Variants in ENTPD6 observed in about 807,000 individuals in gnomAD.
ENTPD6 encodes the protein CD39 antigen-like 2.
Under a neutral mutation model 61.5 loss-of-function variants are expected in ENTPD6, and 46 were observed. That is an observed-to-expected ratio of 0.75 (90% CI 0.59 to 0.96). The LOEUF is 0.96. Among genes scored for constraint, ENTPD6 ranks in the 40% least tolerant of loss-of-function variants. The pLI is 0.00. For missense variants in ENTPD6, 612 were observed against 629.0 expected, an observed-to-expected ratio of 0.97 and a Z score of 0.29; for synonymous variants, 252 against 255.5, an observed-to-expected ratio of 0.99 and a Z score of 0.13.
At chr20:25,203,830 A>G (rs6138537) in intron 1 of ENTPD6, among the ~76,000 whole-genome samples, 63,423 of 152,004 alleles carry the variant, frequency 0.42, 15,360 homozygotes, top group East Asian at 0.92. Context: ...TTTGCTGAAC[A>G]TTGGGCATTT....
At chr20:25,204,614 T>C (rs2091314454) in intron 1 of ENTPD6, among the ~76,000 whole-genome samples, 1 of 152,196 alleles carries the variant, frequency 6.6e-6, no homozygotes, top group Non-Finnish European at 1.5e-5. Flanking sequence ...TGCCTAGCAG[T>C]GCCCATAACC....
intron 2 of ENTPD6, 137 bp from the exon 3 acceptor site, chr20:25,206,939 A>G (rs11699392): frequency 0.32 from 246,856 of 768,086 alleles, 43,125 homozygotes; most frequent in East Asian, 0.62. Context: ...TGAGGCTCAA[A>G]TGAAGCTTCT....
chr20:25,207,934 G>A (rs768662016), intron 3 of ENTPD6, among the ~76,000 whole-genome samples: 3 of 152,188 alleles, frequency 2.0e-5, no homozygotes, highest in African/African-American at 7.2e-5. Flanking sequence ...GGGGTGGGCG[G>A]CTTCTCTTGA....
At chr20:25,210,145 G>A (rs538511051) in intron 4 of ENTPD6, among the ~76,000 whole-genome samples, 3 of 152,348 alleles carry the variant, frequency 2.0e-5, no homozygotes, top group Admixed American at 6.5e-5. Context: ...TGACTCCACC[G>A]TGCCAGCGCT....
At chr20:25,204,231 A>G (rs940285938) in intron 1 of ENTPD6, among the ~76,000 whole-genome samples, 8 of 152,208 alleles carry the variant, frequency 5.3e-5, no homozygotes, top group Admixed American at 1.3e-4. Flanking sequence ...AGGAACACAT[A>G]TTTAATCTCC....
chr20:25,207,193 G>A lies in ENTPD6; in HGVS notation c.172G>A (p.Ala58Thr), dbSNP rs747030366. Reference protein sequence around the residue: ...GLCVGVFIYVAYIKWHRATAT... With the variant: ...GLCVGVFIYVTYIKWHRATAT... ...GTGTGTGGGCGTGTTCATCTATGTT[G>A]CCTACATCAAGTGGCACCGGGCCAC... Residue 58 changes from alanine (A) to threonine (T), a missense_variant, in exon 3 of 15, where the codon GCC (alanine) becomes ACC (threonine). Transcript: ENST00000376652. The A allele has an allele frequency of 1.9e-6, 3 of 1,614,110 alleles. No individual in the cohort carries two copies. Among genetic ancestry groups the A allele is most frequent in the Non-Finnish European group, 2.5e-6 (3 of 1,180,010 alleles).
chr20:25,198,704 G>A (rs953723342), intron 1 of ENTPD6, among the ~76,000 whole-genome samples: 3 of 152,120 alleles, frequency 2.0e-5, no homozygotes, highest in African/African-American at 7.2e-5. Flanking sequence ...TATGGGAGGT[G>A]CTACTTTGGA....
At position 25,206,610 on chromosome 20, in the gene ENTPD6, T is replaced by C. The variant is rs541394751; in HGVS notation, c.54+20T>C. The stretch of plus-strand genomic sequence containing the variant: ...TTTCAGGTTTGTCTGGGGCTCTCAG[T>C]AGTTGCCCAAGGGACGGAGTTTAAA... On this transcript the variant is annotated intron_variant, in intron 2 of 14. Coordinates refer to ENST00000376652, the MANE Select transcript of ENTPD6 (RefSeq NM_001247.5). 6.3e-6 allele frequency: 10 copies of C among 1,585,006 alleles called. No individual in the cohort carries two copies. The East Asian group carries it at 1.3e-4, about 21-fold the overall frequency.
chr20:25,224,005 G>A lies in ENTPD6; in HGVS notation c.1187-96G>A, dbSNP rs140894023. On this transcript the variant is annotated intron_variant, in intron 12 of 14. Coordinates refer to ENST00000376652, the MANE Select transcript of ENTPD6 (RefSeq NM_001247.5). ...CCTCAGAAGCCAGTCAGTGCCTTGG[G>A]GCTCTTGGGCTGGCGTTCCCCGTGC... The A allele has an allele frequency of 5.3e-4, 620 of 1,176,428 alleles. 5 individuals are homozygous for A. In the East Asian group the frequency reaches 0.015, roughly 28 times the overall value. The allele number at this position is 1,176,428 out of a possible 1,614,324, so 72.9% of individuals were successfully genotyped here. A position where few individuals can be genotyped will look rare whatever the true frequency, so the allele number is the denominator to read the frequency against.
intron 10 of ENTPD6, 47 bp downstream of exon 10, chr20:25,218,661 C>T: frequency 6.5e-7 from 1 of 1,536,428 alleles, no homozygotes; most frequent in South Asian, 1.2e-5. Context: ...CCTCTGCCCT[C>T]CATTCTCAGT....
At chr20:25,222,636 C>A in intron 11 of ENTPD6, 1 of 577,912 alleles carries the variant, frequency 1.7e-6, no homozygotes, top group Non-Finnish European at 2.9e-6. Flanking sequence ...GCGCCGGGAC[C>A]AACAATGCCC....
At chr20:25,215,602 C>A in intron 6 of ENTPD6, 74 bp from the exon 7 acceptor site, 2 of 1,486,232 alleles carry the variant, frequency 1.3e-6, no homozygotes, top group South Asian at 1.1e-5. Flanking sequence ...TGCAAATAGT[C>A]ATTTAACGGT....
chr20:25,208,689 T>C (rs1423886828), intron 3 of ENTPD6, among the ~76,000 whole-genome samples: 1 of 152,144 alleles, frequency 6.6e-6, no homozygotes. Flanking sequence ...CTCCTAATAA[T>C]TTAAAACACT....
chr20:25,225,092 C>T, intron 13 of ENTPD6, 113 bp from the exon 14 acceptor site: 1 of 1,471,150 alleles, frequency 6.8e-7, no homozygotes, highest in Non-Finnish European at 9.1e-7. Context: ...GTCTGTGAAT[C>T]CGGAGTGCGG....
chr20:25,218,648 C>A, intron 10 of ENTPD6, 34 bp downstream of exon 10: 1 of 1,562,788 alleles, frequency 6.4e-7, no homozygotes, highest in Non-Finnish European at 8.6e-7. Flanking sequence ...CCCACTTTCA[C>A]AGCCTCTGCC....
rs2092346687 is a variant in ENTPD6, at chr20:25,216,841, G to T, written c.798+105G>T. On this transcript the variant is annotated intron_variant, in intron 8 of 14. Transcript: ENST00000376652. The stretch of plus-strand genomic sequence containing the variant: ...GGTGCTGCGGGGTGGGGTGGGGGGT[G>T]GGGTTGGCCAGGTCTCTGGACCCCT... 88 of 757,042 alleles carry T rather than the reference G, an allele frequency of 1.2e-4. 1 individual carries two copies. In the South Asian group the frequency reaches 1.5e-3, roughly 13 times the overall value. 46.9% of individuals were successfully genotyped at this position (757,042 alleles called of 1,614,324 possible).
intron 12 of ENTPD6, 50 bp from the exon 13 acceptor site, chr20:25,224,051 A>G (rs2092721511): frequency 6.4e-7 from 1 of 1,574,414 alleles, no homozygotes; most frequent in East Asian, 2.3e-5. Context: ...TCTCAGTGGC[A>G]TCGCCAACCT....
chr20:25,200,013 T>G (rs567537412), intron 1 of ENTPD6, among the ~76,000 whole-genome samples: 24 of 152,342 alleles, frequency 1.6e-4, no homozygotes, highest in African/African-American at 5.8e-4. Flanking sequence ...CTGAACCATA[T>G]GGTAGTTCCA....
intron 5 of ENTPD6, 58 bp from the exon 6 acceptor site, chr20:25,214,809 A>G: frequency 9.2e-7 from 1 of 1,081,142 alleles, no homozygotes; most frequent in Non-Finnish European, 1.4e-6. Context: ...AGCTAAATAA[A>G]TAAATATATT....
Sources: gnomAD v4.1 joint callset for allele counts (sites outside exome capture counted in the v4.1 genomes callset) on GRCh38, gnomAD v4.1.1 for gene constraint, MANE v1.5 for transcripts, NCBI Gene and HGNC (gene_info 2026-07-23, HGNC 2026-07-21) for gene names.